TBL1X: variants seen among roughly 807,000 people sequenced by gnomAD.
TBL1X encodes the protein F-box-like/WD repeat-containing protein TBL1X.
In TBL1X, 10 loss-of-function variants were observed where a neutral mutation model predicts 50.7. The observed-to-expected ratio is 0.20, with a 90% CI of 0.12 to 0.33. The LOEUF (loss-of-function observed/expected upper bound fraction) is 0.33, where lower values mean the gene tolerates loss of function less well. Ranked by LOEUF, TBL1X falls within the 10% of genes least tolerant of loss-of-function variation. TBL1X has a pLI of 1.00. For synonymous variants in TBL1X, 190 were observed against 214.7 expected (o/e 0.88, Z 1.01); for missense variants, 340 against 504.4 (o/e 0.67, Z 3.12).
chrX:9,584,383 G>A (rs1240427476), intron 2 of TBL1X, among the ~76,000 whole-genome samples: 2 of 112,396 alleles, frequency 1.8e-5, no homozygotes, highest in African/African-American at 6.5e-5. Context: ...TCTGTATATG[G>A]AATGAACTCC....
At chrX:9,486,478 C>T (rs2081913010) in intron 1 of TBL1X, among the ~76,000 whole-genome samples, 1 of 110,599 alleles carries the variant, frequency 9.0e-6, no homozygotes, top group Non-Finnish European at 1.9e-5. Flanking sequence ...AAGCAATCTG[C>T]CTGCCTTGGC....
intron 2 of TBL1X, among the ~76,000 whole-genome samples, chrX:9,592,767 C>A (rs2082507425): frequency 8.9e-6 from 1 of 111,997 alleles, no homozygotes; most frequent in African/African-American, 3.3e-5. Flanking sequence ...ATAATGTTTT[C>A]AAAGTCCATC....
chrX:9,651,718 A>G (rs114865207), intron 3 of TBL1X, among the ~76,000 whole-genome samples: 1 of 112,725 alleles, frequency 8.9e-6, no homozygotes, highest in African/African-American at 3.2e-5. Flanking sequence ...GTTCAAGCAC[A>G]AATCCTAGGA....
intron 2 of TBL1X, among the ~76,000 whole-genome samples, chrX:9,630,133 G>A (rs1224678461): frequency 1.8e-5 from 2 of 111,675 alleles, no homozygotes; most frequent in Admixed American, 1.9e-4. Context: ...TCCTGGAGGG[G>A]CCTAATGTCT....
intron 2 of TBL1X, among the ~76,000 whole-genome samples, chrX:9,533,637 C>T (rs1475588379): frequency 4.5e-5 from 5 of 111,001 alleles, no homozygotes; most frequent in East Asian, 5.7e-4. Flanking sequence ...AGGGACCTAT[C>T]GCAGACAGCA....
chrX:9,478,040 A>G (rs2081859015), intron 1 of TBL1X, among the ~76,000 whole-genome samples: 1 of 112,035 alleles, frequency 8.9e-6, no homozygotes, highest in East Asian at 2.8e-4. Context: ...GACGGCAAGT[A>G]TAGTAGTATA....
chrX:9,565,237 A>G (rs1427957704), intron 2 of TBL1X, among the ~76,000 whole-genome samples: 4 of 86,838 alleles, frequency 4.6e-5, no homozygotes, highest in Non-Finnish European at 8.6e-5. Flanking sequence ...GCGCCACTGC[A>G]CTCCAGCCTG....
chrX:9,510,372 A>G (rs185391888), intron 2 of TBL1X, among the ~76,000 whole-genome samples: 3 of 112,345 alleles, frequency 2.7e-5, no homozygotes, highest in Non-Finnish European at 5.6e-5. Flanking sequence ...CACTGGACTA[A>G]TCCAAGAAGT....
At chrX:9,622,711 A>G (rs1279581860) in intron 2 of TBL1X, among the ~76,000 whole-genome samples, 2 of 111,985 alleles carry the variant, frequency 1.8e-5, no homozygotes, top group Non-Finnish European at 3.8e-5. Flanking sequence ...CATGTTGGCC[A>G]GGCTGGTCTC....
At chrX:9,555,058 T>C (rs2082289321) in intron 2 of TBL1X, among the ~76,000 whole-genome samples, 1 of 111,965 alleles carries the variant, frequency 8.9e-6, no homozygotes, top group Admixed American at 9.5e-5. Flanking sequence ...TAGCATGGAT[T>C]GATCCTTCAC....
intron 1 of TBL1X, among the ~76,000 whole-genome samples, chrX:9,469,800 C>T (rs1340073374): frequency 8.9e-6 from 1 of 111,864 alleles, no homozygotes; most frequent in South Asian, 3.8e-4. Flanking sequence ...ATCTGGGGCA[C>T]CCAGCCATCT....
At chrX:9,547,060 C>T (rs111501976) in intron 2 of TBL1X, among the ~76,000 whole-genome samples, 3,111 of 108,866 alleles carry the variant, frequency 0.029, 140 homozygotes, top group African/African-American at 0.1. Flanking sequence ...CCTCGTGATC[C>T]GCCCGCCTCG....
At chrX:9,621,697 A>G (rs1210148220) in intron 2 of TBL1X, among the ~76,000 whole-genome samples, 4 of 112,347 alleles carry the variant, frequency 3.6e-5, no homozygotes, top group Non-Finnish European at 7.5e-5. Flanking sequence ...AATTTTTTGA[A>G]TGAATTTTGT....
chrX:9,580,631 A>T (rs768227719), intron 2 of TBL1X, among the ~76,000 whole-genome samples: 1 of 111,542 alleles, frequency 9.0e-6, no homozygotes, highest in East Asian at 2.8e-4. Context: ...TGAGGGAGAC[A>T]TGAGGCATTG....
At chrX:9,506,512 G>T (rs1392186290) in intron 2 of TBL1X, among the ~76,000 whole-genome samples, 2 of 111,581 alleles carry the variant, frequency 1.8e-5, no homozygotes, top group African/African-American at 6.5e-5. Context: ...GAATCCAGGA[G>T]CTGGTTTTTT....
At chrX:9,550,609 T>A (rs749315942) in intron 2 of TBL1X, among the ~76,000 whole-genome samples, 52 of 111,893 alleles carry the variant, frequency 4.6e-4, no homozygotes, top group African/African-American at 1.7e-3. Context: ...AGTGTACATT[T>A]TGGTCATTTT....
In TBL1X at chrX:9,474,330, A is replaced by T. The variant is rs896275358; in HGVS notation, c.-201+8883A>T. 4.4e-5 allele frequency among the ~76,000 whole-genome samples: 5 copies of T among 113,146 alleles called. No individual in the cohort carries two copies. The South Asian group carries it at 1.8e-3, about 41-fold the overall frequency. On this transcript the variant is annotated intron_variant, in intron 1 of 17. Transcript: ENST00000645353. Reference sequence around the variant, plus strand: ...TCCCCAAAGGCTGGAAGAGGGGGTGATACCAACGTCCCTGCCTGCAGGTAG... The same window carrying T: ...TCCCCAAAGGCTGGAAGAGGGGGTGTTACCAACGTCCCTGCCTGCAGGTAG...
chrX:9,696,785 G>A (rs1398316855), intron 11 of TBL1X, among the ~76,000 whole-genome samples: 2 of 112,644 alleles, frequency 1.8e-5, no homozygotes, highest in Non-Finnish European at 1.9e-5. Flanking sequence ...GGATGAGGAG[G>A]AATTCCTACC....
At chrX:9,485,239 A>T (rs2081905153) in intron 1 of TBL1X, among the ~76,000 whole-genome samples, 1 of 112,359 alleles carries the variant, frequency 8.9e-6, no homozygotes, top group Non-Finnish European at 1.9e-5. Context: ...TGGTTCAAGG[A>T]CCACATAGAC....
Sources: gnomAD v4.1 joint callset for allele counts (sites outside exome capture counted in the v4.1 genomes callset) on GRCh38, gnomAD v4.1.1 for gene constraint, MANE v1.5 for transcripts, NCBI Gene and HGNC (gene_info 2026-07-23, HGNC 2026-07-21) for gene names.